AGMO: variants seen among roughly 807,000 people sequenced by gnomAD.
The protein encoded by AGMO is glyceryl-ether monooxygenase.
Under a neutral mutation model 60.2 loss-of-function variants are expected in AGMO, and 75 were observed. The observed-to-expected ratio is 1.25, with a 90% CI of 1.03 to 1.51. AGMO has a LOEUF of 1.51. AGMO is among the 40% of genes most tolerant of loss of function. AGMO has a pLI of 0.00. For missense variants in AGMO, 763 were observed against 525.5 expected, an observed-to-expected ratio of 1.45 and a Z score of -4.42; for synonymous variants, 261 against 177.1, an observed-to-expected ratio of 1.47 and a Z score of -3.76.
At chr7:15,226,395 T>C (rs1193365330) in intron 12 of AGMO, among the ~76,000 whole-genome samples, 2 of 152,088 alleles carry the variant, frequency 1.3e-5, no homozygotes, top group African/African-American at 2.4e-5. Context: ...AAGATGACAA[T>C]ATTTTTCTGA....
chr7:15,209,769 C>G (rs1395671894), intron 12 of AGMO, among the ~76,000 whole-genome samples: 1 of 151,990 alleles, frequency 6.6e-6, no homozygotes, highest in African/African-American at 2.4e-5. Context: ...AAAGCCACAG[C>G]TGCTTTCCTG....
At chr7:15,547,876 C>G (rs1784832496) in intron 2 of AGMO, among the ~76,000 whole-genome samples, 2 of 152,140 alleles carry the variant, frequency 1.3e-5, no homozygotes, top group South Asian at 4.1e-4. Context: ...CACAGACAAA[C>G]AAAAAGACAG....
intron 12 of AGMO, among the ~76,000 whole-genome samples, chr7:15,268,129 C>A (rs1308912876): frequency 6.6e-6 from 1 of 151,896 alleles, no homozygotes; most frequent in African/African-American, 2.4e-5. Flanking sequence ...TAACATGAAT[C>A]ATATTAGGTT....
At chr7:15,385,899 T>C (rs1382899631) in intron 9 of AGMO, among the ~76,000 whole-genome samples, 1 of 152,036 alleles carries the variant, frequency 6.6e-6, no homozygotes, top group East Asian at 1.9e-4. Flanking sequence ...AAACAGAAGG[T>C]GCCAGATGTG....
chr7:15,258,898 C>T (rs111933062), intron 12 of AGMO, among the ~76,000 whole-genome samples: 189 of 152,174 alleles, frequency 1.2e-3, no homozygotes, highest in African/African-American at 3.9e-3. Flanking sequence ...CAAGGGAGCA[C>T]TCCACAGGAA....
intron 5 of AGMO, among the ~76,000 whole-genome samples, chr7:15,417,941 G>C (rs2128494102): frequency 6.6e-6 from 1 of 152,126 alleles, no homozygotes; most frequent in East Asian, 1.9e-4. Flanking sequence ...AATAGGATTG[G>C]TACAAATATT....
intron 10 of AGMO, among the ~76,000 whole-genome samples, chr7:15,379,882 T>TA (rs1783607207): frequency 6.6e-6 from 1 of 152,052 alleles, no homozygotes; most frequent in Non-Finnish European, 1.5e-5. Context: ...ATGTGATTCA[T>TA]TACGTTAACA....
At chr7:15,225,218 T>C (rs1207820291) in intron 12 of AGMO, among the ~76,000 whole-genome samples, 1 of 151,996 alleles carries the variant, frequency 6.6e-6, no homozygotes, top group Non-Finnish European at 1.5e-5. Flanking sequence ...AACAATTGTG[T>C]AGTGTTCGAC....
chr7:15,217,643 C>T (rs1781781238), intron 12 of AGMO, among the ~76,000 whole-genome samples: 1 of 151,528 alleles, frequency 6.6e-6, no homozygotes. Flanking sequence ...ATTAAAAATC[C>T]AATGAACTGG....
chr7:15,370,643 G>A (rs1213820978), intron 10 of AGMO, among the ~76,000 whole-genome samples: 1 of 152,236 alleles, frequency 6.6e-6, no homozygotes, highest in East Asian at 1.9e-4. Context: ...AATGATTAGT[G>A]ACGTTGATAA....
chr7:15,301,217 T>A (rs1019811164), intron 12 of AGMO, among the ~76,000 whole-genome samples: 14 of 152,224 alleles, frequency 9.2e-5, no homozygotes, highest in Admixed American at 1.3e-4. Flanking sequence ...GGCAGGTGGA[T>A]CACTTGAGGT....
chr7:15,331,256 C>T (rs1198019503), intron 12 of AGMO, among the ~76,000 whole-genome samples: 4 of 152,050 alleles, frequency 2.6e-5, no homozygotes, highest in African/African-American at 9.7e-5. Context: ...TCAGCTAAGC[C>T]CTTTTTGAAT....
chr7:15,554,118 T>C (rs1451245760), intron 2 of AGMO, among the ~76,000 whole-genome samples: 1 of 152,138 alleles, frequency 6.6e-6, no homozygotes, highest in Non-Finnish European at 1.5e-5. Context: ...AAGCCCTGGA[T>C]TGCAGAAAAT....
intron 12 of AGMO, among the ~76,000 whole-genome samples, chr7:15,365,073 G>A (rs1782918199): frequency 6.6e-6 from 1 of 151,856 alleles, no homozygotes; most frequent in Non-Finnish European, 1.5e-5. Context: ...TGACTTCAGT[G>A]ACTTTATTTC....
intron 3 of AGMO, among the ~76,000 whole-genome samples, chr7:15,454,936 C>T (rs187064136): frequency 6.6e-6 from 1 of 152,168 alleles, no homozygotes; most frequent in African/African-American, 2.4e-5. Context: ...TAGCTTCTGC[C>T]TTTGGTACTT....
chr7:15,311,422 T>C (rs1273276387), intron 12 of AGMO, among the ~76,000 whole-genome samples: 2 of 152,142 alleles, frequency 1.3e-5, no homozygotes, highest in African/African-American at 4.8e-5. Context: ...TAAATGATCC[T>C]ATCCTACCTT....
chr7:15,390,713 G>C lies in AGMO; in HGVS notation c.780C>G (p.Gly260=). The change falls in exon 8 of 13, where the codon GGC becomes GGG. Residue 260 remains glycine (G), a synonymous_variant. Transcript: ENST00000342526. The stretch of plus-strand genomic sequence containing the variant: ...CAAATGTATTAATGGGATGTGTTAA[G>C]CCATATACAACTTTTTCATTTTCTG... The part of the protein sequence containing the change: ...FEAENEKVVY[G]LTHPINTFEP... 6.2e-7 allele frequency: 1 copy of C among 1,611,196 alleles called. No individual in the cohort carries two copies. Among genetic ancestry groups the C allele is most frequent in the Non-Finnish European group, 8.5e-7 (1 of 1,178,164 alleles).
chr7:15,330,848 C>A (rs73679473), intron 12 of AGMO, among the ~76,000 whole-genome samples: 1 of 151,978 alleles, frequency 6.6e-6, no homozygotes, highest in African/African-American at 2.4e-5. Flanking sequence ...GTGTAGAAAT[C>A]CGCTGACAAA....
At chr7:15,132,145 G>T in the AGMO span, among the ~76,000 whole-genome samples, 3 of 152,072 alleles carry the variant, frequency 2.0e-5, no homozygotes, top group Non-Finnish European at 2.9e-5. Flanking sequence ...ATTACCTGGA[G>T]GACATCAAAT....
Sources: allele counts gnomAD v4.1 joint callset (sites outside exome capture counted in the v4.1 genomes callset), GRCh38; gene constraint gnomAD v4.1.1; transcripts MANE v1.5; gene names NCBI Gene and HGNC (gene_info 2026-07-23, HGNC 2026-07-21).